Variants in WDR27 observed in about 807,000 individuals in gnomAD.
WDR27 encodes WD repeat domain 27, also known as WD repeat-containing protein 27.
Under a neutral mutation model 114.4 loss-of-function variants are expected in WDR27, and 100 were observed. The ratio of observed to expected loss-of-function variants is 0.87; its 90% CI spans 0.74 to 1.03. WDR27 has a LOEUF of 1.03. WDR27 is among the 50% of genes least tolerant of loss of function. The probability of loss-of-function intolerance (pLI) is 0.00; values close to 1 mark genes in which losing one functional copy is unlikely to be tolerated. For synonymous variants in WDR27, 449 were observed against 423.1 expected, an observed-to-expected ratio of 1.06 and a Z score of -0.75; for missense variants, 1,129 against 1,092.9, an observed-to-expected ratio of 1.03 and a Z score of -0.47.
Position 169,684,691 on chromosome 6 carries a change from C to A in WDR27, c.189+4126G>T, listed in dbSNP as rs972671055. On this transcript the variant is annotated intron_variant, in intron 2 of 25. Transcript: ENST00000448612. The surrounding 1 kb of genome is among the most constrained non-coding windows in gnomAD (Gnocchi z 4.3). ...TTCCCCCAGCAGATATGCTCTCAGACAAATCCAGCAGCTGTGTGCCCACTT... is the reference window on the plus strand; with the variant it reads ...TTCCCCCAGCAGATATGCTCTCAGAAAAATCCAGCAGCTGTGTGCCCACTT... 4.6e-5 allele frequency among the ~76,000 whole-genome samples: 7 copies of A among 152,206 alleles called. No individual in the cohort carries two copies. The highest frequency in any genetic ancestry group is 3.3e-4 in the Admixed American group (5 of 15,284).
chr6:169,667,272 C>T, intron 5 of WDR27, 85 bp from the exon 6 acceptor site: 1 of 1,323,112 alleles, frequency 7.6e-7, no homozygotes, highest in Non-Finnish European at 9.7e-7. Context: ...TATTCACTAT[C>T]AGATTAGTCA....
chr6:169,488,118 G>GAA (rs1176044928), intron 25 of WDR27, among the ~76,000 whole-genome samples: 101 of 152,318 alleles, frequency 6.6e-4, no homozygotes, highest in African/African-American at 2.3e-3. Flanking sequence ...ATGGCATAAA[G>GAA]GCACAGAAAC....
At chr6:169,503,190 A>T (rs1791566331) in intron 25 of WDR27, among the ~76,000 whole-genome samples, 2 of 152,194 alleles carry the variant, frequency 1.3e-5, no homozygotes, top group African/African-American at 4.8e-5. Context: ...GAGAATGCTC[A>T]GGCCTTCAGA....
the WDR27 span, among the ~76,000 whole-genome samples, chr6:169,430,382 G>A: frequency 3.3e-5 from 5 of 152,216 alleles, no homozygotes; most frequent in Non-Finnish European, 7.3e-5. Context: ...TAGAGAATCA[G>A]ATGTGTGGTG....
chr6:169,550,316 A>G (rs1016030746), intron 25 of WDR27, among the ~76,000 whole-genome samples: 1 of 152,270 alleles, frequency 6.6e-6, no homozygotes, highest in African/African-American at 2.4e-5. Flanking sequence ...ACTGCTGTCC[A>G]CTGAGTACAT....
At chr6:169,698,737 G>A (rs763237586) in intron 1 of WDR27, among the ~76,000 whole-genome samples, 1 of 152,178 alleles carries the variant, frequency 6.6e-6, no homozygotes, top group African/African-American at 2.4e-5. Context: ...GTCACAGCCC[G>A]TGCACAGCCC....
chr6:169,613,663 T>C lies in WDR27; in HGVS notation c.2224-7A>G, dbSNP rs779023871. 8.7e-6 allele frequency: 14 copies of C among 1,606,814 alleles called. No homozygotes were observed. Among genetic ancestry groups the C allele is most frequent in the Non-Finnish European group, 1.2e-5 (14 of 1,173,894 alleles). ...GGGTTGTAAATGATGAACCCTATAATTTTAAGGGGGAAATCAAGATGTACT... is the reference window on the plus strand; with the variant it reads ...GGGTTGTAAATGATGAACCCTATAACTTTAAGGGGGAAATCAAGATGTACT... On this transcript the variant is annotated splice_polypyrimidine_tract_variant and splice_region_variant and intron_variant, in intron 21 of 25. Transcript: ENST00000448612.
At position 169,616,422 on chromosome 6, in the gene WDR27, A is replaced by G. The variant is rs1029703735; in HGVS notation, c.2224-2766T>C. ...AGAATCGCTTGAACCCAGGAGGTGG[A>G]GGTTGCAGTGAGCCAAGACTGCGCC... On this transcript the variant is annotated intron_variant, in intron 21 of 25. Coordinates refer to ENST00000448612, the MANE Select transcript of WDR27 (RefSeq NM_182552.5). Among the ~76,000 whole-genome samples the G allele has an allele frequency of 3.9e-5, 6 of 152,188 alleles. No homozygotes were observed. The East Asian group carries it at 1.2e-3, about 29-fold the overall frequency.
intron 4 of WDR27, chr6:169,669,919 T>C (rs1383229926): frequency 6.6e-6 from 1 of 152,094 alleles, no homozygotes; most frequent in Non-Finnish European, 1.5e-5. Context: ...GTTTATTAAG[T>C]GGCTATCAAA....
At chr6:169,454,216 G>C (rs1409040658), downstream of WDR27, among the ~76,000 whole-genome samples, 2 of 152,170 alleles carry the variant, frequency 1.3e-5, no homozygotes, top group Non-Finnish European at 2.9e-5. Flanking sequence ...ATATTTGTGT[G>C]AGCTATATGA....
Position 169,665,548 on chromosome 6 carries a change from G to C in WDR27, c.721C>G (p.Leu241Val). Reference protein sequence around the residue: ...YSSSVLSAYPLLSLFIDAESR... With the variant: ...YSSSVLSAYPVLSLFIDAESR... Reference sequence around the variant, plus strand: ...TCTGCATCAATGAATAAACTGAGAAGAGGATATGCTGGTGAAAGGAACATC... The same window carrying C: ...TCTGCATCAATGAATAAACTGAGAACAGGATATGCTGGTGAAAGGAACATC... Residue 241 changes from leucine to valine, a missense_variant, in exon 7 of 26, where the codon CTT becomes GTT. By Grantham distance (32) the Leu-to-Val change is conservative (BLOSUM62 1). Coordinates refer to ENST00000448612, the MANE Select transcript of WDR27 (RefSeq NM_182552.5). 6.2e-7 allele frequency: 1 copy of C among 1,613,704 alleles called. No individual in the cohort carries two copies. The highest frequency in any genetic ancestry group is 1.1e-5 in the South Asian group (1 of 91,032).
chr6:169,580,852 GAA>G (rs1235289226), intron 24 of WDR27, among the ~76,000 whole-genome samples: 1 of 150,262 alleles, frequency 6.7e-6, no homozygotes, highest in Non-Finnish European at 1.5e-5. Context: ...TATCAGTAAA[GAA>G]AGGAAATTTT....
intron 21 of WDR27, among the ~76,000 whole-genome samples, chr6:169,628,031 G>A (rs756864869): frequency 2.0e-4 from 31 of 152,226 alleles, no homozygotes; most frequent in Admixed American, 2.0e-4. Context: ...TCTGGAAGTT[G>A]CTCTCCCCCC....
intron 25 of WDR27, among the ~76,000 whole-genome samples, chr6:169,460,607 T>A (rs1397195511): frequency 6.6e-6 from 1 of 152,172 alleles, no homozygotes; most frequent in Non-Finnish European, 1.5e-5. Context: ...TTAGTTTAAA[T>A]GTAAATGGAT....
At position 169,602,288 on chromosome 6, in the gene WDR27, G is replaced by A. The variant is rs111265134; in HGVS notation, c.2355C>T (p.Arg785=). 2,856 of 1,564,558 alleles carry A rather than the reference G, an allele frequency of 1.8e-3. 34 individuals are homozygous for A. In the African/African-American group the frequency reaches 0.032, roughly 18 times the overall value. Residue 785 remains arginine, a synonymous_variant, in exon 23 of 26, where the codon CGC becomes CGT. Coordinates refer to ENST00000448612, the MANE Select transcript of WDR27 (RefSeq NM_182552.5). ...CERHFEGHPT[R]GYPCGIAFSP... ...TGAAAGCGATTCCACATGGATAGCC[G>A]CGGGTTGGATGCCCTTCAAAGTGGC...
intron 1 of WDR27, among the ~76,000 whole-genome samples, chr6:169,692,155 A>G (rs1402639894): frequency 6.6e-6 from 1 of 152,268 alleles, no homozygotes; most frequent in Non-Finnish European, 1.5e-5. Context: ...ATATTTAGGC[A>G]GCCAAGCGAA....
Position 169,659,658 on chromosome 6 carries a change from G to A in WDR27, c.1130-140C>T, listed in dbSNP as rs927957488. ...GGCCCCACCACACACTTTGCAGGCT[G>A]TGCACCACATCCTCACACATACAAG... On this transcript the variant is annotated intron_variant, in intron 10 of 25. Transcript: ENST00000448612. This position sits in a 1 kb window ranked among gnomAD's most constrained non-coding sequence, Gnocchi z 4.3. 1.2e-5 allele frequency: 9 copies of A among 751,604 alleles called. No homozygotes were observed. The highest frequency in any genetic ancestry group is 2.0e-5 in the Non-Finnish European group (9 of 444,804). The allele number at this position is 751,604 out of a possible 1,614,324, so 46.6% of individuals were successfully genotyped here. A position where few individuals can be genotyped will look rare whatever the true frequency, so the allele number is the denominator to read the frequency against.
intron 14 of WDR27, among the ~76,000 whole-genome samples, chr6:169,650,992 A>G (rs1822289252): frequency 6.6e-6 from 1 of 152,074 alleles, no homozygotes; most frequent in Admixed American, 6.6e-5. Context: ...CAAGCAGAGC[A>G]GGGAAGGGCT....
rs147468405 is a variant in WDR27, at chr6:169,586,270, T to G, written c.2425-3336A>C. Reference sequence around the variant, plus strand: ...AATCCCGTGAGGTCATGCACAACTCTGGACAGTTCTCTCCAGTGGGAATTG... The same window carrying G: ...AATCCCGTGAGGTCATGCACAACTCGGGACAGTTCTCTCCAGTGGGAATTG... On this transcript the variant is annotated intron_variant, in intron 23 of 25. Coordinates refer to ENST00000448612, the MANE Select transcript of WDR27 (RefSeq NM_182552.5). 1.9e-3 allele frequency among the ~76,000 whole-genome samples: 297 copies of G among 152,344 alleles called. 4 individuals are homozygous for G. In the East Asian group the frequency reaches 0.033, roughly 17 times the overall value.
Sources: allele counts gnomAD v4.1 joint callset (sites outside exome capture counted in the v4.1 genomes callset), GRCh38; gene constraint gnomAD v4.1.1; non-coding constraint Gnocchi (gnomAD v3.1); transcripts MANE v1.5; gene names NCBI Gene and HGNC (gene_info 2026-07-23, HGNC 2026-07-21).